Variants in PLCB2 observed in about 807,000 individuals in gnomAD.
PLCB2 encodes phospholipase C beta 2, also known as 1-phosphatidylinositol 4,5-bisphosphate phosphodiesterase beta-2.
PLCB2 carries 115 observed loss-of-function variants against 141.7 expected under a neutral mutation model. The observed-to-expected ratio is 0.81, with a 90% CI of 0.70 to 0.95. The LOEUF is 0.95. Among genes scored for constraint, PLCB2 ranks in the 40% least tolerant of loss-of-function variants. The pLI is 0.00. For synonymous variants in PLCB2, 603 were observed against 595.6 expected, an observed-to-expected ratio of 1.01 and a Z score of -0.18; for missense variants, 1,403 against 1,541.1, an observed-to-expected ratio of 0.91 and a Z score of 1.50.
chr15:40,290,910 T>G (rs1595632232), intron 27 of PLCB2, 73 bp from the exon 28 acceptor site: 8 of 693,768 alleles, frequency 1.2e-5, no homozygotes, highest in African/African-American at 3.6e-5. Flanking sequence ...CGGGGGTCGG[T>G]GGAGGGGAGT....
At chr15:40,291,535 G>A (rs1381960296) in intron 25 of PLCB2, 48 bp from the exon 26 acceptor site, 2 of 1,606,002 alleles carry the variant, frequency 1.2e-6, no homozygotes, top group East Asian at 2.2e-5. Context: ...CGTCCTGCCC[G>A]TCCAACCCCC....
chr15:40,293,531 A>C (rs1595646989), intron 20 of PLCB2, 29 bp downstream of exon 20: 1 of 1,607,636 alleles, frequency 6.2e-7, no homozygotes, highest in Non-Finnish European at 8.5e-7. Flanking sequence ...AACTAGACAG[A>C]CTCTGCCCTG....
rs757576221 is a variant in PLCB2 at position 40,296,591 on chromosome 15, C to G, written c.1530G>C (p.Val510=). The change falls in exon 15 of 32, where the codon GTG becomes GTC. Residue 510 remains valine, a synonymous_variant. Transcript: ENST00000260402. ...EEGTELEEEE[V]EEEEEEESGN... Reference sequence around the variant, plus strand: ...CTGACTCCTCCTCCTCTTCCTCTTCCACCTCCTCCTCCTCCAGCTCAGTCC... The same window carrying G: ...CTGACTCCTCCTCCTCTTCCTCTTCGACCTCCTCCTCCTCCAGCTCAGTCC... The G allele has an allele frequency of 6.2e-7, 1 of 1,613,272 alleles. No individual in the cohort carries two copies. Among genetic ancestry groups the G allele is most frequent in the Admixed American group, 1.7e-5 (1 of 59,918 alleles).
Position 40,291,167 on chromosome 15 carries a change from C to G in PLCB2, c.2887G>C (p.Glu963Gln), listed in dbSNP as rs1377439611. The G allele has an allele frequency of 6.4e-7, 1 of 1,570,894 alleles. No homozygotes were observed. The highest frequency in any genetic ancestry group is 8.6e-7 in the Non-Finnish European group (1 of 1,166,146). ...SRKKRSLPRE[E>Q]SAGAAPGEGP... is the part of the protein sequence containing the mutation. The stretch of plus-strand genomic sequence containing the variant: ...TCGCCCGGCGCGGCTCCGGCGCTCT[C>G]CTCGCGGGGCAGGCTCCTGGGGAGG... The change falls in exon 27 of 32, where the codon GAG becomes CAG. Residue 963 changes from glutamate (E) to glutamine (Q), a missense_variant. Physicochemically the swap from Glu to Gln is conservative, Grantham distance 29. Transcript: ENST00000260402.
Position 40,307,734 on chromosome 15 carries a change from G to A in PLCB2, c.-62C>T. On this transcript the variant is annotated 5_prime_UTR_variant, in exon 1 of 32. Coordinates refer to ENST00000260402, the MANE Select transcript of PLCB2 (RefSeq NM_004573.3). Reference sequence around the variant, plus strand: ...CACAGGCAGGCAGAAGGGCAGGAAGGAGGCCAGCCAGGAGGGGGAGCCAAG... The same window carrying A: ...CACAGGCAGGCAGAAGGGCAGGAAGAAGGCCAGCCAGGAGGGGGAGCCAAG... The A allele has an allele frequency of 4.9e-6, 7 of 1,435,888 alleles. No individual in the cohort carries two copies. The South Asian group carries it at 9.6e-5, about 20-fold the overall frequency. The allele number at this position is 1,435,888 out of a possible 1,614,324, so 88.9% of individuals were successfully genotyped here.
At chr15:40,296,225 G>T in intron 16 of PLCB2, 71 bp downstream of exon 16, 1 of 1,188,832 alleles carries the variant, frequency 8.4e-7, no homozygotes, top group Non-Finnish European at 1.2e-6. Flanking sequence ...TTATAGGCAG[G>T]GCCCCAAGTC....
In PLCB2 at chr15:40,303,334, G is replaced by A. The variant is rs748457503; in HGVS notation, c.185C>T (p.Thr62Ile). The change falls in exon 3 of 32, where the codon ACC becomes ATC. Residue 62 changes from threonine (T) to isoleucine (I), a missense_variant. Transcript: ENST00000260402. The stretch of plus-strand genomic sequence containing the variant: ...CCCAAAGCGAGTATCCCGGATGCTG[G>A]TGATATCCAGAAACTCCATCTCCTG... Reference protein sequence around the residue: ...QSKEMEFLDITSIRDTRFGKF... With the variant: ...QSKEMEFLDIISIRDTRFGKF... 6.2e-7 allele frequency: 1 copy of A among 1,613,684 alleles called. No homozygotes were observed. Among genetic ancestry groups the A allele is most frequent in the Non-Finnish European group, 8.5e-7 (1 of 1,179,662 alleles).
chr15:40,285,317 G>C (rs1277692654), downstream of PLCB2, among the ~76,000 whole-genome samples: 1 of 152,216 alleles, frequency 6.6e-6, no homozygotes, highest in African/African-American at 2.4e-5. Flanking sequence ...CCACAGATCT[G>C]ACATCAGCGT....
chr15:40,299,092 C>G, intron 8 of PLCB2, 36 bp downstream of exon 8: 1 of 1,578,408 alleles, frequency 6.3e-7, no homozygotes, highest in Non-Finnish European at 8.7e-7. Flanking sequence ...TAGCCACCAC[C>G]CTTTTCCCAT....
In PLCB2 at chr15:40,291,307, C is replaced by G; in HGVS notation, c.2828G>C (p.Gly943Ala). Residue 943 changes from glycine to alanine, a missense_variant, in exon 26 of 32, where the codon GGG becomes GCG. Coordinates refer to ENST00000260402, the MANE Select transcript of PLCB2 (RefSeq NM_004573.3). Reference sequence around the variant, plus strand: ...CTTGCCGGGACCGAGCTTGCAGGCCCCGACGCCCCCCACGCCCGGTGGCCC... The same window carrying G: ...CTTGCCGGGACCGAGCTTGCAGGCCGCGACGCCCCCCACGCCCGGTGGCCC... ...ELGPPGVGGV[G>A]ACKLGPGKGS... The G allele has an allele frequency of 6.5e-7, 1 of 1,550,138 alleles. No homozygotes were observed. The highest frequency in any genetic ancestry group is 8.6e-7 in the Non-Finnish European group (1 of 1,156,508).
chr15:40,292,436 G>A lies in PLCB2; in HGVS notation c.2334C>T (p.His778=), dbSNP rs200160677. Residue 778 remains histidine (H), a synonymous_variant, in exon 22 of 32, where the codon CAC becomes CAT. Transcript: ENST00000260402. The part of the protein sequence containing the change: ...IPINALNSGY[H]HLCLHSESNM... The stretch of plus-strand genomic sequence containing the variant: ...TGCTCTCACTGTGCAGGCACAGGTG[G>A]TGGTACCCTGTGAGACAGGACAGGG... 7.4e-6 allele frequency: 12 copies of A among 1,611,416 alleles called. No homozygotes were observed. In the African/African-American group the frequency reaches 1.1e-4, roughly 14 times the overall value.
rs62021888 is a variant in PLCB2 at position 40,291,359 on chromosome 15, G to A, written c.2776C>T (p.Arg926Trp). 84 of 1,524,230 alleles carry A rather than the reference G, an allele frequency of 5.5e-5. No individual in the cohort carries two copies. Among genetic ancestry groups the A allele is most frequent in the Non-Finnish European group, 7.0e-5 (80 of 1,142,608 alleles). The allele number at this position is 1,524,230 out of a possible 1,614,324, so 94.4% of individuals were successfully genotyped here. Residue 926 changes from arginine (R) to tryptophan (W), a missense_variant, in exon 26 of 32, where the codon CGG (arginine) becomes TGG (tryptophan). Arg to Trp is a moderately radical substitution (Grantham distance 101). Coordinates refer to ENST00000260402, the MANE Select transcript of PLCB2 (RefSeq NM_004573.3). The part of the protein sequence containing the change: ...GARRWEELLQ[R>W]GAAQLAELGP... The stretch of plus-strand genomic sequence containing the variant: ...AGCTCCGCCAGCTGCGCCGCGCCCC[G>A]CTGCAGCAGCTCCTCCCAGCGCCGC...
rs1348531027 is a variant in PLCB2, at chr15:40,302,294, G to A, written c.428C>T (p.Ser143Phe). 6.2e-7 allele frequency: 1 copy of A among 1,614,178 alleles called. No homozygotes were observed. The highest frequency in any genetic ancestry group is 1.1e-5 in the South Asian group (1 of 91,084). Residue 143 changes from serine (S) to phenylalanine (F), a missense_variant, in exon 5 of 32, where the codon TCC (serine) becomes TTC (phenylalanine). Ser to Phe is a radical substitution (Grantham distance 155, BLOSUM62 -2). This residue lies in a region of PLCB2 where 975 missense variants were observed against 1,141.1 expected (regional missense o/e 0.85). Coordinates refer to ENST00000260402, the MANE Select transcript of PLCB2 (RefSeq NM_004573.3). ...LVKHPLTANA[S>F]RSTFLDKILV... The stretch of plus-strand genomic sequence containing the variant: ...CATCTTGTCCAGGAAGGTGCTGCGG[G>A]AGGCGTTGGCCGTCAGCGGATGTTT...
intron 11 of PLCB2, 53 bp from the exon 12 acceptor site, chr15:40,298,012 C>T (rs2040317392): frequency 2.2e-6 from 3 of 1,363,710 alleles, no homozygotes; most frequent in Non-Finnish European, 3.1e-6. Context: ...GACTGCCTGT[C>T]TCGTGATAGC....
In PLCB2 at chr15:40,298,350, T is replaced by G. The variant is rs1255393047; in HGVS notation, c.1028A>C (p.Glu343Ala). The change falls in exon 11 of 32, where the codon GAG becomes GCG. Residue 343 changes from glutamate to alanine, a missense_variant. By Grantham distance (107) the Glu-to-Ala change is moderately radical. Coordinates refer to ENST00000260402, the MANE Select transcript of PLCB2 (RefSeq NM_004573.3). ...AGQFSGLSSA[E>A]MYRQVLLSGC... ...AGAGAGCAGCACCTGGCGGTACATC[T>G]CAGCCGAGGAGAGGCCTGAGAACTG... The G allele has an allele frequency of 6.3e-7, 1 of 1,597,788 alleles. No homozygotes were observed. Among genetic ancestry groups the G allele is most frequent in the South Asian group, 1.1e-5 (1 of 89,164 alleles).
At chr15:40,284,627 A>C (rs1002469454), downstream of PLCB2, 2 of 451,476 alleles carry the variant, frequency 4.4e-6, no homozygotes, top group African/African-American at 4.0e-5. Context: ...GGATCACGAG[A>C]TCAAGGGATC....
chr15:40,290,027 G>T lies in PLCB2; in HGVS notation c.3265C>A (p.Gln1089Lys). The T allele has an allele frequency of 6.4e-7, 1 of 1,572,452 alleles. No individual in the cohort carries two copies. Among genetic ancestry groups the T allele is most frequent in the Non-Finnish European group, 8.8e-7 (1 of 1,142,726 alleles). Reference protein sequence around the residue: ...HIQEVVQVIKQMTENLERHQE... With the variant: ...HIQEVVQVIKKMTENLERHQE... ...GGAAGGACACAGCCCTTACACACCTGCTTGATCACCTGCACTACTTCCTGG... is the reference window on the plus strand; with the variant it reads ...GGAAGGACACAGCCCTTACACACCTTCTTGATCACCTGCACTACTTCCTGG... Residue 1089 changes from glutamine to lysine, a missense_variant and splice_region_variant, in exon 30 of 32, where the codon CAG (glutamine) becomes AAG (lysine). Gln to Lys is a moderately conservative substitution (Grantham distance 53). Coordinates refer to ENST00000260402, the MANE Select transcript of PLCB2 (RefSeq NM_004573.3).
At chr15:40,302,665 T>C (rs2141163141) in intron 3 of PLCB2, 56 bp from the exon 4 acceptor site, 1 of 1,588,744 alleles carries the variant, frequency 6.3e-7, no homozygotes, top group East Asian at 2.2e-5. Flanking sequence ...CTGCCCAGTG[T>C]GGCTCTCTCT....
At chr15:40,303,896 C>T (rs535238126) in intron 2 of PLCB2, 105 bp downstream of exon 2, 8 of 780,968 alleles carry the variant, frequency 1.0e-5, no homozygotes, top group Middle Eastern at 5.4e-4. Context: ...CCAGGCCATT[C>T]TGTACTCCCC....
Sources: allele counts gnomAD v4.1 joint callset (sites outside exome capture counted in the v4.1 genomes callset), GRCh38; gene constraint gnomAD v4.1.1; regional missense constraint gnomAD v4.1.1; transcripts MANE v1.5; gene names NCBI Gene and HGNC (gene_info 2026-07-23, HGNC 2026-07-21).